EPN1: variants seen among roughly 807,000 people sequenced by gnomAD.
EPN1 encodes the protein epsin-1.
EPN1 carries 25 observed loss-of-function variants against 56.9 expected under a neutral mutation model. The observed-to-expected ratio is 0.44, with a 90% confidence interval of 0.32 to 0.61. The LOEUF (loss-of-function observed/expected upper bound fraction) is 0.61. Among genes scored for constraint, EPN1 ranks in the 20% least tolerant of loss-of-function variants. The pLI is 0.05. For missense variants in EPN1, 785 were observed against 823.7 expected, an observed-to-expected ratio of 0.95 and a Z score of 0.58; for synonymous variants, 411 against 361.8, an observed-to-expected ratio of 1.14 and a Z score of -1.54.
In EPN1 at chr19:55,694,967, C is replaced by T. The variant is rs1452407825; in HGVS notation, c.1506C>T (p.Asn502=). ...GPTPPGAKAS[N]PFLPGGGPAT... ...CGCCGCCTGGAGCCAAGGCCTCCAA[C>T]CCCTTCCTGCCAGGCGGTGAGTGTG... The change falls in exon 10 of 11, where the codon AAC becomes AAT. Residue 502 remains asparagine (N), a synonymous_variant. Transcript: ENST00000270460. This position sits in a 1 kb window ranked among gnomAD's most constrained non-coding sequence, Gnocchi z 4.2. 1 of 1,556,502 alleles carries T rather than the reference C, an allele frequency of 6.4e-7. No homozygotes were observed. Among genetic ancestry groups the T allele is most frequent in the Non-Finnish European group, 8.7e-7 (1 of 1,151,588 alleles).
chr19:55,695,652 A>G lies in EPN1; in HGVS notation c.*296A>G. On this transcript the variant is annotated 3_prime_UTR_variant, in exon 11 of 11. Coordinates refer to ENST00000270460, the MANE Select transcript of EPN1 (RefSeq NM_001130072.2). This position sits in a 1 kb window ranked among gnomAD's most constrained non-coding sequence, Gnocchi z 4.4. ...CCCTCCCTCCAAACTCCCAACCCCC[A>G]GTCAGTGTTTGAGCCTCCTCGTTCC... 4.7e-6 allele frequency: 2 copies of G among 422,674 alleles called. No homozygotes were observed. Among genetic ancestry groups the G allele is most frequent in the Non-Finnish European group, 8.4e-6 (2 of 239,080 alleles). 26.2% of individuals were successfully genotyped at this position (422,674 alleles called of 1,614,324 possible). A position where few individuals can be genotyped will look rare whatever the true frequency, so the allele number is the denominator to read the frequency against.
At position 55,707,351 on chromosome 19, in the gene EPN1, G is replaced by C. The variant is rs1054710500; in HGVS notation, c.*11995G>C. ...AGCAGACCCTGACTCTAAAACAAAA[G>C]AAAGAACAAATAACAAATGAAAATA... On this transcript the variant is annotated 3_prime_UTR_variant, in exon 11 of 11. Coordinates refer to ENST00000270460, the MANE Select transcript of EPN1 (RefSeq NM_001130072.2). 10 of 152,126 alleles carry C rather than the reference G, an allele frequency of 6.6e-5. No homozygotes were observed. Among genetic ancestry groups the C allele is most frequent in the African/African-American group, 2.4e-4 (10 of 41,384 alleles). The allele number at this position is 152,126 out of a possible 1,614,324, so 9.4% of individuals were successfully genotyped here.
chr19:55,689,835 A>C lies in EPN1; in HGVS notation c.679-32A>C. 1 of 1,574,876 alleles carries C rather than the reference A, an allele frequency of 6.3e-7. No individual in the cohort carries two copies. The highest frequency in any genetic ancestry group is 1.3e-5 in the African/African-American group (1 of 74,204). On this transcript the variant is annotated intron_variant, in intron 5 of 10. Coordinates refer to ENST00000270460, the MANE Select transcript of EPN1 (RefSeq NM_001130072.2). This position sits in a 1 kb window ranked among gnomAD's most constrained non-coding sequence, Gnocchi z 5.7. Reference sequence around the variant, plus strand: ...GCATCTGCCCGTGGCTCACGTTCTCATGTCTCCCTGGTCGTGCCCGTGCCC... The same window carrying C: ...GCATCTGCCCGTGGCTCACGTTCTCCTGTCTCCCTGGTCGTGCCCGTGCCC...
chr19:55,694,537 G>A lies in EPN1; in HGVS notation c.1265-189G>A, dbSNP rs1345592105. On this transcript the variant is annotated intron_variant, in intron 9 of 10. Transcript: ENST00000270460. The surrounding 1 kb of genome is among the most constrained non-coding windows in gnomAD (Gnocchi z 4.2). The stretch of plus-strand genomic sequence containing the variant: ...CTCACTGGAATCAGACCCACCTTAT[G>A]GGAATCTGGGCTGACGTGAGGTTTT... 2 of 569,040 alleles carry A rather than the reference G, an allele frequency of 3.5e-6. No individual in the cohort carries two copies. The highest frequency in any genetic ancestry group is 5.7e-6 in the Non-Finnish European group (2 of 351,326). 35.2% of individuals were successfully genotyped at this position (569,040 alleles called of 1,614,324 possible).
chr19:55,694,597 A>C lies in EPN1; in HGVS notation c.1265-129A>C. On this transcript the variant is annotated intron_variant, in intron 9 of 10. Transcript: ENST00000270460. This position sits in a 1 kb window ranked among gnomAD's most constrained non-coding sequence, Gnocchi z 4.2. ...AAGCGATGCTTCCGCTCTGCACCTC[A>C]GTTCCTCCTTCCCGAGGCCTCTGGG... is the stretch of plus-strand genomic sequence containing the variant. The C allele has an allele frequency of 1.7e-6, 2 of 1,165,988 alleles. No individual in the cohort carries two copies. Among genetic ancestry groups the C allele is most frequent in the Non-Finnish European group, 1.2e-6 (1 of 867,450 alleles). The allele number at this position is 1,165,988 out of a possible 1,614,324, so 72.2% of individuals were successfully genotyped here.
Position 55,700,615 on chromosome 19 carries a change from T to C in EPN1, c.*5259T>C, listed in dbSNP as rs1260819478. The C allele has an allele frequency of 1.3e-5, 2 of 152,224 alleles. No individual in the cohort carries two copies. 9.4% of individuals were successfully genotyped at this position (152,224 alleles called of 1,614,324 possible). ...GAAGCACACAAAACTATAGACAATA[T>C]TATCATAACCACCCCTGCAAATGCC... On this transcript the variant is annotated 3_prime_UTR_variant, in exon 11 of 11. Transcript: ENST00000270460.
At position 55,695,353 on chromosome 19, in the gene EPN1, A is replaced by G; in HGVS notation, c.1728A>G (p.Leu576=). ...PPAPNTNPFL[L] The stretch of plus-strand genomic sequence containing the variant: ...CCCCCAACACTAATCCCTTCCTCCT[A>G]TAATCCAGGGCGGAAGGGGGCCTGG... Residue 576 remains leucine, a synonymous_variant, in exon 11 of 11, where the codon CTA becomes CTG. Transcript: ENST00000270460. This position sits in a 1 kb window ranked among gnomAD's most constrained non-coding sequence, Gnocchi z 4.4. 2.7e-6 allele frequency: 4 copies of G among 1,467,696 alleles called. No homozygotes were observed. The highest frequency in any genetic ancestry group is 1.2e-5 in the South Asian group (1 of 82,332). The allele number at this position is 1,467,696 out of a possible 1,614,324, so 90.9% of individuals were successfully genotyped here.
chr19:55,683,623 G>A (rs1985974412), intron 2 of EPN1, among the ~76,000 whole-genome samples: 1 of 152,242 alleles, frequency 6.6e-6, no homozygotes, highest in Non-Finnish European at 1.5e-5. Flanking sequence ...ATAGTGCCGG[G>A]ATTATAGGCG....
chr19:55,694,548 C>A lies in EPN1; in HGVS notation c.1265-178C>A. 1.6e-6 allele frequency: 1 copy of A among 640,100 alleles called. No individual in the cohort carries two copies. The highest frequency in any genetic ancestry group is 2.4e-6 in the Non-Finnish European group (1 of 409,342). The allele number at this position is 640,100 out of a possible 1,614,324, so 39.7% of individuals were successfully genotyped here. On this transcript the variant is annotated intron_variant, in intron 9 of 10. Coordinates refer to ENST00000270460, the MANE Select transcript of EPN1 (RefSeq NM_001130072.2). The surrounding 1 kb of genome is among the most constrained non-coding windows in gnomAD (Gnocchi z 4.2). The stretch of plus-strand genomic sequence containing the variant: ...CAGACCCACCTTATGGGAATCTGGG[C>A]TGACGTGAGGTTTTGGCCTGGGCAA...
rs573287582 is a variant in EPN1 at position 55,695,554 on chromosome 19, G to C, written c.*198G>C. 1 of 579,142 alleles carries C rather than the reference G, an allele frequency of 1.7e-6. No individual in the cohort carries two copies. The highest frequency in any genetic ancestry group is 1.9e-5 in the African/African-American group (1 of 53,474). The allele number at this position is 579,142 out of a possible 1,614,324, so 35.9% of individuals were successfully genotyped here. The stretch of plus-strand genomic sequence containing the variant: ...AACTGGACATGGGGCCTGGGGAGGG[G>C]AGCTGGCCAGAGGAGGACCCCTTTC... On this transcript the variant is annotated 3_prime_UTR_variant, in exon 11 of 11. Coordinates refer to ENST00000270460, the MANE Select transcript of EPN1 (RefSeq NM_001130072.2). The surrounding 1 kb of genome is among the most constrained non-coding windows in gnomAD (Gnocchi z 4.4).
rs1235729658 is a variant in EPN1 at position 55,697,485 on chromosome 19, T to G, written c.*2129T>G. On this transcript the variant is annotated 3_prime_UTR_variant, in exon 11 of 11. Coordinates refer to ENST00000270460, the MANE Select transcript of EPN1 (RefSeq NM_001130072.2). ...CGAAGATAAAATGATACAGTTGGAT[T>G]AGTCCAGTGGAGGGGTTAAAGGTGT... is the stretch of plus-strand genomic sequence containing the variant. The G allele has an allele frequency of 2.0e-5, 3 of 152,222 alleles. No individual in the cohort carries two copies. The highest frequency in any genetic ancestry group is 4.4e-5 in the Non-Finnish European group (3 of 68,040). 9.4% of individuals were successfully genotyped at this position (152,222 alleles called of 1,614,324 possible). A position where few individuals can be genotyped will look rare whatever the true frequency, so the allele number is the denominator to read the frequency against.
In EPN1 at chr19:55,708,674, A is replaced by G; in HGVS notation, c.*13318A>G. On this transcript the variant is annotated 3_prime_UTR_variant, in exon 11 of 11. Transcript: ENST00000270460. ...ACTTGTTTAACGTACTTGTGCTTCT[A>G]AATATCACAAGGCAGGATGGGATTT... 1 of 353,736 alleles carries G rather than the reference A, an allele frequency of 2.8e-6. No individual in the cohort carries two copies. 21.9% of individuals were successfully genotyped at this position (353,736 alleles called of 1,614,324 possible).
At position 55,700,117 on chromosome 19, in the gene EPN1, G is replaced by GACATCTTGAAGCACACAAAACTA. The variant is rs1568585513; in HGVS notation, c.*4761_*4762insACATCTTGAAGCACACAAAACTA. Reference sequence around the variant, plus strand: ...TTTGTATTTTTTTAGTAGAGACGGGGTTTCACTGTGTTAGCCAGGATGGTC... The same window carrying GACATCTTGAAGCACACAAAACTA: ...TTTGTATTTTTTTAGTAGAGACGGGGACATCTTGAAGCACACAAAACTATTTCACTGTGTTAGCCAGGATGGTC... On this transcript the variant is annotated 3_prime_UTR_variant, in exon 11 of 11. Coordinates refer to ENST00000270460, the MANE Select transcript of EPN1 (RefSeq NM_001130072.2). 3 of 150,714 alleles carry GACATCTTGAAGCACACAAAACTA rather than the reference G, an allele frequency of 2.0e-5. No homozygotes were observed. Among genetic ancestry groups the GACATCTTGAAGCACACAAAACTA allele is most frequent in the African/African-American group, 7.5e-5 (3 of 40,202 alleles). 9.3% of individuals were successfully genotyped at this position (150,714 alleles called of 1,614,324 possible).
Position 55,687,236 on chromosome 19 carries a change from C to T in EPN1, c.478+1591C>T, listed in dbSNP as rs982195118. On this transcript the variant is annotated intron_variant, in intron 3 of 10. Transcript: ENST00000270460. ...ACCTTCTCAGGCCAGCTGTGGCTGC[C>T]ACTGTGGTGTGCTGGCCCCTGTCTT... Among the ~76,000 whole-genome samples the T allele has an allele frequency of 2.6e-5, 4 of 152,244 alleles. No homozygotes were observed. In the East Asian group the frequency reaches 7.7e-4, roughly 29 times the overall value.
At position 55,691,930 on chromosome 19, in the gene EPN1, C is replaced by G; in HGVS notation, c.939C>G (p.Pro313=). The change falls in exon 7 of 11, where the codon CCC becomes CCG. Residue 313 remains proline, a synonymous_variant. Transcript: ENST00000270460. This position sits in a 1 kb window ranked among gnomAD's most constrained non-coding sequence, Gnocchi z 5.6. ...CTGATCCCTGGGGAGGTCCAGCCCCCACGCCGGCCTCTGGGGACCCCTGGA... is the reference window on the plus strand; with the variant it reads ...CTGATCCCTGGGGAGGTCCAGCCCCGACGCCGGCCTCTGGGGACCCCTGGA... ...PAADPWGGPA[P]TPASGDPWRP... is the part of the protein sequence containing the mutation. 6.4e-7 allele frequency: 1 copy of G among 1,554,114 alleles called. No homozygotes were observed. Among genetic ancestry groups the G allele is most frequent in the South Asian group, 1.2e-5 (1 of 84,674 alleles).
chr19:55,685,688 TCCGCCTACTGCGGCTCCCGGCACCCGG>T (rs757259614), intron 3 of EPN1, 43 bp downstream of exon 3: 13 of 1,554,518 alleles, frequency 8.4e-6, no homozygotes, highest in Middle Eastern at 2.0e-4. Flanking sequence ...GAGTCTGTCC[TCCGCCTACTGCGGCTCCCGGCACCCGG>T]CCGCCCACTG....
chr19:55,677,166 G>C lies in EPN1; in HGVS notation c.-101-1361G>C, dbSNP rs8106718. 1.5e-4 allele frequency: 230 copies of C among 1,551,070 alleles called. 1 individual carries two copies. In the African/African-American group the frequency reaches 2.8e-3, roughly 19 times the overall value. ...TCTCCCTCTGTGGCTTCTTGGAGCC[G>C]CATAGATGGGTGATCAGAGCTGGCT... On this transcript the variant is annotated intron_variant, in intron 1 of 10. Transcript: ENST00000270460.
rs753614738 is a variant in EPN1 at position 55,709,085 on chromosome 19, T to C, written c.*13729T>C. On this transcript the variant is annotated 3_prime_UTR_variant, in exon 11 of 11. Coordinates refer to ENST00000270460, the MANE Select transcript of EPN1 (RefSeq NM_001130072.2). Reference sequence around the variant, plus strand: ...TAAAGTTTTTTTTTTTGTTTTTCATTTTTACACAGTATTGCCTCTCTACAT... The same window carrying C: ...TAAAGTTTTTTTTTTTGTTTTTCATCTTTACACAGTATTGCCTCTCTACAT... The C allele has an allele frequency of 6.7e-7, 1 of 1,490,466 alleles. No homozygotes were observed. The highest frequency in any genetic ancestry group is 9.0e-7 in the Non-Finnish European group (1 of 1,107,636). The allele number at this position is 1,490,466 out of a possible 1,614,324, so 92.3% of individuals were successfully genotyped here.
At chr19:55,687,043 G>A (rs1986217529) in intron 3 of EPN1, among the ~76,000 whole-genome samples, 1 of 152,274 alleles carries the variant, frequency 6.6e-6, no homozygotes, top group African/African-American at 2.4e-5. Flanking sequence ...GCACCCCTCC[G>A]ACACTCACCA....
Sources: gnomAD v4.1 joint callset for allele counts (sites outside exome capture counted in the v4.1 genomes callset) on GRCh38, gnomAD v4.1.1 for gene constraint, Gnocchi (gnomAD v3.1) non-coding constraint, MANE v1.5 for transcripts, NCBI Gene and HGNC (gene_info 2026-07-23, HGNC 2026-07-21) for gene names.